The following PTH2R variants were observed in gnomAD, a reference collection of about 807,000 sequenced individuals.
PTH2R encodes parathyroid hormone 2 receptor.
A neutral mutation model predicts 60.3 loss-of-function variants in PTH2R; 59 were observed. The ratio of observed to expected loss-of-function variants is 0.98; its 90% CI spans 0.79 to 1.22. The LOEUF (loss-of-function observed/expected upper bound fraction) is 1.22. PTH2R is among the 50% of genes most tolerant of loss of function. The pLI is 0.00. For missense variants in PTH2R, 749 were observed against 682.6 expected (o/e 1.10, Z -1.08); for synonymous variants, 256 against 243.8 (o/e 1.05, Z -0.47).
At position 208,493,528 on chromosome 2, in the gene PTH2R, T is replaced by C. The variant is rs1275435099; in HGVS notation, c.1522T>C (p.Ser508Pro). 1.2e-6 allele frequency: 2 copies of C among 1,613,930 alleles called. No individual in the cohort carries two copies. Among genetic ancestry groups the C allele is most frequent in the Admixed American group, 3.3e-5 (2 of 59,990 alleles). Reference protein sequence around the residue: ...SNSEQDCLPHSFHEETKEDSG... With the variant: ...SNSEQDCLPHPFHEETKEDSG... ...CTCAGAGCAGGACTGCCTGCCACAC[T>C]CTTTCCACGAGGAGACCAAGGAAGA... The change falls in exon 13 of 13, where the codon TCT becomes CCT. Residue 508 changes from serine (S) to proline (P), a missense_variant. Physicochemically the swap from Ser to Pro is moderately conservative, Grantham distance 74. Transcript: ENST00000272847.
chr2:208,407,494 G>A (rs577782899), intron 1 of PTH2R, among the ~76,000 whole-genome samples: 5 of 152,284 alleles, frequency 3.3e-5, no homozygotes, highest in Non-Finnish European at 7.4e-5. Context: ...TTTGTCTGCT[G>A]GTAATTTACC....
chr2:208,392,681 T>A lies in PTH2R; in HGVS notation c.-259+32444T>A, dbSNP rs78799620. Among the ~76,000 whole-genome samples the A allele has an allele frequency of 2.4e-3, 364 of 151,372 alleles. 2 individuals are homozygous for A. Among genetic ancestry groups the A allele is most frequent in the African/African-American group, 8.5e-3 (350 of 41,188 alleles). On this transcript the variant is annotated intron_variant, in intron 1 of 12. Coordinates refer to the PTH2R transcript ENST00000617735. ...GTTAAAGGTAAATATCAGGTTAGAG[T>A]TTTTCCTGAGACGCCTCTTACAGTC...
rs138794210 is a variant in PTH2R, at chr2:208,375,251, A to G, written c.-259+15014A>G. Among the ~76,000 whole-genome samples, 7 of 152,180 alleles carry G rather than the reference A, an allele frequency of 4.6e-5. No homozygotes were observed. In the East Asian group the frequency reaches 1.4e-3, roughly 29 times the overall value. On this transcript the variant is annotated intron_variant, in intron 1 of 12. Coordinates refer to the PTH2R transcript ENST00000617735. ...TAAACTTGATGCAGTCTCTTTGTAA[A>G]GTAATGAATCCCCCCGTGAACCTCA...
At chr2:208,422,159 G>GA (rs1275221852) in intron 1 of PTH2R, among the ~76,000 whole-genome samples, 1 of 151,856 alleles carries the variant, frequency 6.6e-6, no homozygotes, top group African/African-American at 2.4e-5. Context: ...GCCAGGAAGG[G>GA]AAAAAAAGGG....
intron 1 of PTH2R, among the ~76,000 whole-genome samples, chr2:208,384,149 A>G (rs1700965207): frequency 6.6e-6 from 1 of 152,242 alleles, no homozygotes; most frequent in Admixed American, 6.5e-5. Flanking sequence ...AACAAGTGCA[A>G]TAGCAGTTTA....
intron 2 of PTH2R, among the ~76,000 whole-genome samples, chr2:208,431,034 A>T (rs1006146896): frequency 1.3e-5 from 2 of 151,886 alleles, no homozygotes; most frequent in African/African-American, 4.8e-5. Context: ...TTATTCTCTC[A>T]TCTCCTTCTG....
intron 2 of PTH2R, among the ~76,000 whole-genome samples, chr2:208,431,754 C>T (rs546664573): frequency 3.9e-5 from 6 of 152,276 alleles, no homozygotes; most frequent in South Asian, 2.1e-4. Context: ...TCAATTTCTC[C>T]ACCCCATCAG....
At chr2:208,368,111 G>T (rs117250054) in intron 1 of PTH2R, among the ~76,000 whole-genome samples, 120 of 152,238 alleles carry the variant, frequency 7.9e-4, no homozygotes, top group African/African-American at 2.8e-3. Context: ...TTTATATGCT[G>T]TCCTCTTAGA....
upstream of PTH2R, among the ~76,000 whole-genome samples, chr2:208,406,579 A>G (rs1339777171): frequency 3.3e-5 from 5 of 152,034 alleles, no homozygotes; most frequent in Non-Finnish European, 7.4e-5. Context: ...GGGCCCTGGA[A>G]CCCGGGACAG....
intron 7 of PTH2R, among the ~76,000 whole-genome samples, chr2:208,447,925 T>C (rs1702322709): frequency 6.6e-6 from 1 of 152,198 alleles, no homozygotes; most frequent in African/African-American, 2.4e-5. Context: ...TAATTCTGTA[T>C]GTAAAAGGTA....
chr2:208,481,188 C>G (rs1212950558), intron 10 of PTH2R, 24 bp downstream of exon 10: 3 of 1,433,182 alleles, frequency 2.1e-6, no homozygotes, highest in Admixed American at 3.9e-5. Context: ...AGGCATCCAT[C>G]AGAGGAAATA....
At chr2:208,479,896 A>T (rs1393623335) in intron 9 of PTH2R, among the ~76,000 whole-genome samples, 1 of 152,236 alleles carries the variant, frequency 6.6e-6, no homozygotes, top group Non-Finnish European at 1.5e-5. Context: ...TAAGGTTTTA[A>T]ATTAGAAAAT....
intron 1 of PTH2R, among the ~76,000 whole-genome samples, chr2:208,362,260 T>C (rs1352842925): frequency 6.7e-6 from 1 of 149,214 alleles, no homozygotes; most frequent in African/African-American, 2.4e-5. Flanking sequence ...CTTTCCTAGT[T>C]CTCTAGCTTG....
intron 1 of PTH2R, among the ~76,000 whole-genome samples, chr2:208,387,740 C>G (rs1241873865): frequency 2.0e-5 from 3 of 152,190 alleles, no homozygotes; most frequent in Non-Finnish European, 4.4e-5. Context: ...ATGTTGTAAT[C>G]TTTAGGTGAT....
Position 208,422,314 on chromosome 2 carries a change from A to C in PTH2R, c.76-5887A>C, listed in dbSNP as rs761296508. On this transcript the variant is annotated intron_variant, in intron 1 of 12. Coordinates refer to ENST00000272847, the MANE Select transcript of PTH2R (RefSeq NM_005048.4). ...CTTGGATGAAGACAGACACATAGACACACCGGAAACAAATGTAATCTGGGC... is the reference window on the plus strand; with the variant it reads ...CTTGGATGAAGACAGACACATAGACCCACCGGAAACAAATGTAATCTGGGC... Among the ~76,000 whole-genome samples the C allele has an allele frequency of 1.0e-3, 159 of 152,206 alleles. 1 individual carries two copies. The highest frequency in any genetic ancestry group is 8.1e-4 in the Non-Finnish European group (55 of 68,032).
intron 9 of PTH2R, among the ~76,000 whole-genome samples, chr2:208,463,619 G>T (rs939401379): frequency 6.6e-6 from 1 of 152,116 alleles, no homozygotes; most frequent in Non-Finnish European, 1.5e-5. Flanking sequence ...GCCACACAGC[G>T]CTGTAAGCAT....
At chr2:208,454,865 G>A (rs1279764445) in intron 8 of PTH2R, among the ~76,000 whole-genome samples, 2 of 151,796 alleles carry the variant, frequency 1.3e-5, no homozygotes, top group Non-Finnish European at 2.9e-5. Context: ...TTTCCTTCAG[G>A]AATTATTTTG....
intron 8 of PTH2R, among the ~76,000 whole-genome samples, chr2:208,451,292 C>A (rs760925821): frequency 1.3e-5 from 2 of 152,112 alleles, no homozygotes; most frequent in Non-Finnish European, 2.9e-5. Flanking sequence ...GGGCCAGTGA[C>A]ACATACTTCC....
chr2:208,443,511 G>A lies in PTH2R; in HGVS notation c.673G>A (p.Ala225Thr). 6.2e-7 allele frequency: 1 copy of A among 1,609,626 alleles called. No homozygotes were observed. Among genetic ancestry groups the A allele is most frequent in the Non-Finnish European group, 8.5e-7 (1 of 1,178,498 alleles). Residue 225 changes from alanine to threonine, a missense_variant, in exon 6 of 13, where the codon GCA (alanine) becomes ACA (threonine). Coordinates refer to ENST00000272847, the MANE Select transcript of PTH2R (RefSeq NM_005048.4). ...GGATGACCCACAAAATTCCATTGAG[G>A]CAACTTCTGTGGACAAATCACAATA... ...MQDDPQNSIE[A>T]TSVDKSQYIG... is the part of the protein sequence containing the mutation.
Sources: gnomAD v4.1 joint callset for allele counts (sites outside exome capture counted in the v4.1 genomes callset) on GRCh38, gnomAD v4.1.1 for gene constraint, MANE v1.5 for transcripts, NCBI Gene and HGNC (gene_info 2026-07-23, HGNC 2026-07-21) for gene names.